The following NFX1 variants were observed in gnomAD, a reference collection of about 807,000 sequenced individuals.
The protein encoded by NFX1 is nuclear transcription factor, X-box binding 1.
Under a neutral mutation model 137.2 loss-of-function variants are expected in NFX1, and 69 were observed. The observed-to-expected ratio is 0.50, with a 90% CI of 0.41 to 0.61. The LOEUF is 0.61. Ranked by LOEUF, NFX1 falls within the 20% of genes least tolerant of loss-of-function variation. The pLI, the probability that NFX1 is intolerant of heterozygous loss-of-function variation, is 0.00. For missense variants in NFX1, 1,167 were observed against 1,391.0 expected (o/e 0.84, Z 2.56); for synonymous variants, 495 against 474.1 (o/e 1.04, Z -0.57).
intron 2 of NFX1, among the ~76,000 whole-genome samples, chr9:33,300,642 A>G (rs1301835733): frequency 1.2e-4 from 18 of 152,202 alleles, no homozygotes; most frequent in Non-Finnish European, 2.6e-4. Context: ...TCAGGAATAG[A>G]TCTGGGAGGA....
chr9:33,331,046 G>T (rs1335637842), intron 10 of NFX1, among the ~76,000 whole-genome samples: 3 of 151,968 alleles, frequency 2.0e-5, no homozygotes, highest in African/African-American at 7.2e-5. Context: ...GGCGCCTGTA[G>T]TCCCAGCTAC....
At chr9:33,368,536 A>T (rs568422184) in intron 23 of NFX1, among the ~76,000 whole-genome samples, 1 of 152,174 alleles carries the variant, frequency 6.6e-6, no homozygotes, top group Non-Finnish European at 1.5e-5. Context: ...GCACTTGGTC[A>T]TAGCCCCAGT....
intron 13 of NFX1, 88 bp downstream of exon 13, chr9:33,342,942 G>C: frequency 1.2e-6 from 1 of 865,688 alleles, no homozygotes; most frequent in Admixed American, 2.8e-5. Context: ...ACTTAGAATT[G>C]TATGGATTCT....
intron 19 of NFX1, among the ~76,000 whole-genome samples, chr9:33,355,138 A>G (rs1208748425): frequency 6.6e-6 from 1 of 152,234 alleles, no homozygotes; most frequent in African/African-American, 2.4e-5. Flanking sequence ...CACATAACAC[A>G]GCATACTTAT....
chr9:33,332,314 A>G lies in NFX1; in HGVS notation c.2005-158A>G, dbSNP rs371257333. The stretch of plus-strand genomic sequence containing the variant: ...AGTAAAGCTCATTCATATAGGGATT[A>G]GGCTCGCTCCAGACATGGCAAGTGA... On this transcript the variant is annotated intron_variant, in intron 10 of 23. Transcript: ENST00000379540. Among the ~76,000 whole-genome samples, 7 of 152,224 alleles carry G rather than the reference A, an allele frequency of 4.6e-5. No individual in the cohort carries two copies. The East Asian group carries it at 1.3e-3, about 29-fold the overall frequency.
chr9:33,307,190 C>A lies in NFX1; in HGVS notation c.1271-4C>A. The A allele has an allele frequency of 6.2e-7, 1 of 1,613,244 alleles. No individual in the cohort carries two copies. The highest frequency in any genetic ancestry group is 1.1e-5 in the South Asian group (1 of 91,032). ...CATTGACTCTCTGATCTGATATGTTCTAGGCAAGGTAAAGAATCCTGAGTG... is the reference window on the plus strand; with the variant it reads ...CATTGACTCTCTGATCTGATATGTTATAGGCAAGGTAAAGAATCCTGAGTG... On this transcript the variant is annotated splice_polypyrimidine_tract_variant and splice_region_variant and intron_variant, in intron 4 of 23. Coordinates refer to ENST00000379540, the MANE Select transcript of NFX1 (RefSeq NM_002504.6).
intron 1 of NFX1, among the ~76,000 whole-genome samples, chr9:33,291,497 T>C (rs1462665443): frequency 6.6e-6 from 1 of 152,198 alleles, no homozygotes; most frequent in Non-Finnish European, 1.5e-5. Flanking sequence ...TTGGAAACCA[T>C]TGGTTTGAAT....
At position 33,294,428 on chromosome 9, in the gene NFX1, A is replaced by G. The variant is rs889379381; in HGVS notation, c.34A>G (p.Lys12Glu). 8.3e-6 allele frequency: 13 copies of G among 1,560,902 alleles called. No homozygotes were observed. In the African/African-American group the frequency reaches 1.7e-4, roughly 20 times the overall value. Residue 12 changes from lysine (K) to glutamate (E), a missense_variant, in exon 2 of 24, where the codon AAA becomes GAA. Coordinates refer to ENST00000379540, the MANE Select transcript of NFX1 (RefSeq NM_002504.6). ...TATTTTTTATGTCCTAGGTACTTTT[A>G]AATTCAATACAGATGCTGCTGAATT... ...AEAPPVSGTF[K>E]FNTDAAEFIP...
intron 18 of NFX1, 101 bp from the exon 19 acceptor site, chr9:33,354,750 G>A (rs1587872843): frequency 8.8e-7 from 1 of 1,134,728 alleles, no homozygotes; most frequent in South Asian, 1.7e-5. Context: ...TTTGGCAAGA[G>A]TCAGCTGTGC....
At chr9:33,328,743 G>C in intron 10 of NFX1, 65 bp downstream of exon 10, 3 of 1,339,280 alleles carry the variant, frequency 2.2e-6, no homozygotes, top group Non-Finnish European at 3.2e-6. Flanking sequence ...GATTATGGGA[G>C]GGGAGGAATC....
At chr9:33,350,930 G>A (rs566263111) in intron 15 of NFX1, among the ~76,000 whole-genome samples, 2 of 152,142 alleles carry the variant, frequency 1.3e-5, no homozygotes, top group African/African-American at 4.8e-5. Flanking sequence ...TGGATCACTT[G>A]AAGTCAGGAG....
intron 3 of NFX1, 131 bp downstream of exon 3, chr9:33,301,552 G>GTGTTTC: frequency 2.3e-6 from 2 of 876,246 alleles, no homozygotes; most frequent in Non-Finnish European, 3.3e-6. Flanking sequence ...ATGTTACCTT[G>GTGTTTC]ATCATGTGTT....
At chr9:33,302,553 G>A (rs914704593) in intron 3 of NFX1, among the ~76,000 whole-genome samples, 1 of 150,036 alleles carries the variant, frequency 6.7e-6, no homozygotes, top group Non-Finnish European at 1.5e-5. Context: ...GAGACGGTCT[G>A]CTGTGTTGCC....
intron 13 of NFX1, 21 bp from the exon 14 acceptor site, chr9:33,344,048 T>C (rs773345497): frequency 6.2e-7 from 1 of 1,613,610 alleles, no homozygotes; most frequent in Non-Finnish European, 8.5e-7. Flanking sequence ...GATTCTTTTG[T>C]TTTACCTGCT....
At chr9:33,322,894 A>G (rs548684699) in intron 9 of NFX1, among the ~76,000 whole-genome samples, 85 of 152,346 alleles carry the variant, frequency 5.6e-4, no homozygotes, top group Non-Finnish European at 9.1e-4. Flanking sequence ...ATCAGAGAGA[A>G]TCAGGGAAAG....
At chr9:33,317,443 A>G (rs1049158769) in intron 7 of NFX1, among the ~76,000 whole-genome samples, 4 of 151,054 alleles carry the variant, frequency 2.6e-5, no homozygotes, top group Non-Finnish European at 5.9e-5. Flanking sequence ...AAAGAAAGAA[A>G]GAAAAGAAAA....
chr9:33,293,505 A>G (rs114674352), intron 1 of NFX1, among the ~76,000 whole-genome samples: 1,799 of 152,344 alleles, frequency 0.012, 32 homozygotes, highest in African/African-American at 0.042. Context: ...TCTTCATTAC[A>G]TGTAAGGAAA....
intron 19 of NFX1, among the ~76,000 whole-genome samples, chr9:33,363,348 A>C (rs1248399548): frequency 6.6e-6 from 1 of 151,274 alleles, no homozygotes; most frequent in Non-Finnish European, 1.5e-5. Context: ...GTAGTGGCAC[A>C]ATCTCGGTTC....
chr9:33,351,147 AAAAT>A lies in NFX1; in HGVS notation c.2425-399_2425-396del, dbSNP rs955204814. 3.3e-5 allele frequency among the ~76,000 whole-genome samples: 5 copies of A among 152,218 alleles called. No individual in the cohort carries two copies. In the South Asian group the frequency reaches 8.3e-4, roughly 25 times the overall value. ...GGGCAACAGAGTGAGACTTCGTCTC[AAAAT>A]AAATAAATAAATACAAACTGTTATT... is the stretch of plus-strand genomic sequence containing the variant. On this transcript the variant is annotated intron_variant, in intron 15 of 23. Coordinates refer to ENST00000379540, the MANE Select transcript of NFX1 (RefSeq NM_002504.6).
Sources: gnomAD v4.1 joint callset for allele counts (sites outside exome capture counted in the v4.1 genomes callset) on GRCh38, gnomAD v4.1.1 for gene constraint, MANE v1.5 for transcripts, NCBI Gene and HGNC (gene_info 2026-07-23, HGNC 2026-07-21) for gene names.